Variants in ENPP6 observed in about 807,000 individuals in gnomAD.
ENPP6 encodes ectonucleotide pyrophosphatase/phosphodiesterase 6, also known as glycerophosphocholine cholinephosphodiesterase ENPP6.
ENPP6 carries 32 observed loss-of-function variants against 42.0 expected under a neutral mutation model. The ratio of observed to expected loss-of-function variants is 0.76; its 90% CI spans 0.58 to 1.02. The LOEUF (loss-of-function observed/expected upper bound fraction) is 1.02, where lower values mean the gene tolerates loss of function less well. ENPP6 is among the 50% of genes least tolerant of loss of function. ENPP6 has a pLI of 0.00. For missense variants in ENPP6, 552 were observed against 566.8 expected, an observed-to-expected ratio of 0.97 and a Z score of 0.27; for synonymous variants, 213 against 216.0, an observed-to-expected ratio of 0.99 and a Z score of 0.12.
chr4:184,117,840 G>A lies in ENPP6; in HGVS notation c.594C>T (p.His198=), dbSNP rs776679814. Residue 198 remains histidine, a synonymous_variant, in exon 4 of 8, where the codon CAC becomes CAT. Coordinates refer to ENST00000296741, the MANE Select transcript of ENPP6 (RefSeq NM_153343.4). Reference sequence around the variant, plus strand: ...TCCTCTGCGGAGATGCAGGCCCGTAGTGGTGGCCTTCCACGTCAATGCGCT... The same window carrying A: ...TCCTCTGCGGAGATGCAGGCCCGTAATGGTGGCCTTCCACGTCAATGCGCT... ...YHERIDVEGH[H]YGPASPQRKD... The A allele has an allele frequency of 1.9e-6, 3 of 1,614,254 alleles. No homozygotes were observed. In the Admixed American group the frequency reaches 5.0e-5, roughly 27 times the overall value.
intron 2 of ENPP6, among the ~76,000 whole-genome samples, chr4:184,132,905 A>T (rs1485456931): frequency 1.3e-5 from 2 of 150,678 alleles, no homozygotes; most frequent in Non-Finnish European, 3.0e-5. Context: ...ATCTTTTATC[A>T]CTTTGTGGGA....
intron 6 of ENPP6, 77 bp downstream of exon 6, chr4:184,112,595 T>C: frequency 6.6e-7 from 1 of 1,506,230 alleles, no homozygotes; most frequent in South Asian, 1.3e-5. Flanking sequence ...TATAAAAACT[T>C]GAGTAACTAT....
At chr4:184,091,534 C>T (rs779041104) in intron 7 of ENPP6, 152 bp from the exon 8 acceptor site, 1 of 654,794 alleles carries the variant, frequency 1.5e-6, no homozygotes, top group Non-Finnish European at 2.5e-6. Context: ...TGAGTGTGAA[C>T]ATAGAAGGGT....
intron 2 of ENPP6, among the ~76,000 whole-genome samples, chr4:184,152,754 C>G (rs908740230): frequency 1.3e-5 from 2 of 152,212 alleles, no homozygotes; most frequent in Non-Finnish European, 2.9e-5. Context: ...CCGAGGACTT[C>G]TCACAGCAGC....
chr4:184,105,555 T>C (rs1009949528), intron 6 of ENPP6, among the ~76,000 whole-genome samples: 1 of 152,192 alleles, frequency 6.6e-6, no homozygotes, highest in Admixed American at 6.5e-5. Flanking sequence ...GCAAGATACC[T>C]AAAATGCTGA....
In ENPP6 at chr4:184,189,377, C is replaced by T. The variant is rs141678991; in HGVS notation, c.241+28202G>A. Reference sequence around the variant, plus strand: ...GCCTAGATTTCTAACCCCACAAATCCTACCTCAAATCAGGCCACTTTCCCT... The same window carrying T: ...GCCTAGATTTCTAACCCCACAAATCTTACCTCAAATCAGGCCACTTTCCCT... On this transcript the variant is annotated intron_variant, in intron 1 of 7. Transcript: ENST00000296741. 8.5e-5 allele frequency among the ~76,000 whole-genome samples: 13 copies of T among 152,320 alleles called. No individual in the cohort carries two copies. The East Asian group carries it at 2.3e-3, about 27-fold the overall frequency.
chr4:184,127,257 A>G (rs953308644), intron 2 of ENPP6, among the ~76,000 whole-genome samples: 1 of 152,210 alleles, frequency 6.6e-6, no homozygotes, highest in African/African-American at 2.4e-5. Context: ...AGATGTAAAT[A>G]AGTTATAGAT....
chr4:184,119,778 C>T (rs1450791871), intron 3 of ENPP6, among the ~76,000 whole-genome samples: 1 of 152,086 alleles, frequency 6.6e-6, no homozygotes, highest in African/African-American at 2.4e-5. Flanking sequence ...TGAGTGAGTT[C>T]CCATGAGATC....
At chr4:184,162,554 A>AGGGAAGGAG (rs751837525) in intron 1 of ENPP6, among the ~76,000 whole-genome samples, 6,713 of 26,848 alleles carry the variant, frequency 0.25, 173 homozygotes, top group Non-Finnish European at 0.44. Context: ...GGAAGAAGGA[A>AGGGAAGGAG]GGAAAGAAGG....
At chr4:184,138,183 T>A (rs1249272815) in intron 2 of ENPP6, among the ~76,000 whole-genome samples, 1 of 152,232 alleles carries the variant, frequency 6.6e-6, no homozygotes, top group Non-Finnish European at 1.5e-5. Context: ...ATTTCTAGAA[T>A]GAGACAAGTT....
intron 5 of ENPP6, 34 bp downstream of exon 5, chr4:184,116,822 T>TGGCCCTCCTCCGCCCCCCAC: frequency 1.2e-6 from 2 of 1,608,674 alleles, no homozygotes; most frequent in Non-Finnish European, 1.7e-6. Context: ...AGGGCCCACA[T>TGGCCCTCCTCCGCCCCCCAC]GGCCCTCCTC....
rs111690890 is a variant in ENPP6 at position 184,117,946 on chromosome 4, A to G, written c.534-46T>C. On this transcript the variant is annotated intron_variant, in intron 3 of 7. Transcript: ENST00000296741. ...GGCATAGGTGAGGGAGGCCCCCGCC[A>G]GCTTGCTCCCTTATCACCCCCATAG... The G allele has an allele frequency of 1.4e-4, 219 of 1,596,148 alleles. No homozygotes were observed. The African/African-American group carries it at 2.7e-3, about 19-fold the overall frequency.
intron 2 of ENPP6, among the ~76,000 whole-genome samples, chr4:184,145,882 G>A (rs909888211): frequency 6.6e-6 from 1 of 152,154 alleles, no homozygotes; most frequent in East Asian, 1.9e-4. Context: ...AATAAATGGA[G>A]TATTATGCAG....
At chr4:184,207,506 A>C (rs1465873038) in intron 1 of ENPP6, among the ~76,000 whole-genome samples, 1 of 152,252 alleles carries the variant, frequency 6.6e-6, no homozygotes, top group Non-Finnish European at 1.5e-5. Flanking sequence ...CCACGGTAAG[A>C]TACACTAAAA....
chr4:184,167,194 C>A (rs1737363593), intron 1 of ENPP6, among the ~76,000 whole-genome samples: 1 of 152,210 alleles, frequency 6.6e-6, no homozygotes, highest in African/African-American at 2.4e-5. Flanking sequence ...CGGCTCACTG[C>A]AACCTCCTTC....
intron 1 of ENPP6, among the ~76,000 whole-genome samples, chr4:184,200,158 C>T (rs1732868236): frequency 6.6e-6 from 1 of 152,200 alleles, no homozygotes; most frequent in Admixed American, 6.5e-5. Context: ...ATAAAAGCAG[C>T]CAAGAACTGG....
chr4:184,211,591 A>C (rs1733112510), intron 1 of ENPP6, among the ~76,000 whole-genome samples: 1 of 152,262 alleles, frequency 6.6e-6, no homozygotes, highest in South Asian at 2.1e-4. Context: ...TTGTGGCAAT[A>C]ATCAATAGCT....
In ENPP6 at chr4:184,090,211, A is replaced by G. The variant is rs946354538; in HGVS notation, c.*966T>C. On this transcript the variant is annotated 3_prime_UTR_variant, in exon 8 of 8. Transcript: ENST00000296741. ...GAGCAACCCACCGAGATCCTTGCTGATGCCTCCACATTCTCATCAGTGAGC... is the reference window on the plus strand; with the variant it reads ...GAGCAACCCACCGAGATCCTTGCTGGTGCCTCCACATTCTCATCAGTGAGC... 3 of 152,108 alleles carry G rather than the reference A, an allele frequency of 2.0e-5. No homozygotes were observed. Among genetic ancestry groups the G allele is most frequent in the Non-Finnish European group, 4.4e-5 (3 of 68,060 alleles). The allele number at this position is 152,108 out of a possible 1,614,324, so 9.4% of individuals were successfully genotyped here. A position where few individuals can be genotyped will look rare whatever the true frequency, so the allele number is the denominator to read the frequency against.
intron 1 of ENPP6, among the ~76,000 whole-genome samples, chr4:184,204,338 A>T (rs1478216544): frequency 6.6e-6 from 1 of 152,214 alleles, no homozygotes; most frequent in Non-Finnish European, 1.5e-5. Flanking sequence ...CGATGCTGGC[A>T]TACATAGCCT....
Sources: allele counts gnomAD v4.1 joint callset (sites outside exome capture counted in the v4.1 genomes callset), GRCh38; gene constraint gnomAD v4.1.1; transcripts MANE v1.5; gene names NCBI Gene and HGNC (gene_info 2026-07-23, HGNC 2026-07-21).